DACH1: variants seen among roughly 807,000 people sequenced by gnomAD.
The protein encoded by DACH1 is dachshund homolog 1.
In DACH1, 12 loss-of-function variants were observed where a neutral mutation model predicts 54.2. The observed-to-expected ratio is 0.22, with a 90% CI of 0.14 to 0.36. The LOEUF (loss-of-function observed/expected upper bound fraction) is 0.36, where lower values mean the gene tolerates loss of function less well. DACH1 is among the 10% of genes least tolerant of loss of function. DACH1 has a pLI of 1.00. For synonymous variants in DACH1, 386 were observed against 366.2 expected (o/e 1.05, Z -0.62); for missense variants, 805 against 929.8 (o/e 0.87, Z 1.75).
chr13:71,735,392 TAC>T (rs1443468114), intron 1 of DACH1, among the ~76,000 whole-genome samples: 12 of 33,690 alleles, frequency 3.6e-4, no homozygotes, highest in African/African-American at 8.9e-4. Flanking sequence ...ATATGGGATA[TAC>T]ACGTATACGG....
At chr13:71,723,507 G>A (rs143208207) in intron 1 of DACH1, among the ~76,000 whole-genome samples, 8 of 152,178 alleles carry the variant, frequency 5.3e-5, no homozygotes, top group African/African-American at 1.4e-4. Flanking sequence ...ACTTCAGACC[G>A]CACAAATAAA....
intron 1 of DACH1, among the ~76,000 whole-genome samples, chr13:71,750,000 C>T (rs1309966500): frequency 6.6e-6 from 1 of 152,108 alleles, no homozygotes; most frequent in African/African-American, 2.4e-5. Context: ...TGCTTTCAAG[C>T]AACTATTTAT....
chr13:71,575,986 C>T (rs1885504170), intron 3 of DACH1, among the ~76,000 whole-genome samples: 1 of 151,986 alleles, frequency 6.6e-6, no homozygotes, highest in Non-Finnish European at 1.5e-5. Flanking sequence ...ACAAGACCTG[C>T]CCACAGTTAT....
At chr13:71,488,559 TA>T (rs1331848277) in intron 7 of DACH1, among the ~76,000 whole-genome samples, 1 of 152,112 alleles carries the variant, frequency 6.6e-6, no homozygotes, top group Non-Finnish European at 1.5e-5. Context: ...TGGATTCTTC[TA>T]AATTAGACAT....
rs544022929 is a variant in DACH1, at chr13:71,815,870, G to A, written c.848+50052C>T. 1.8e-4 allele frequency among the ~76,000 whole-genome samples: 27 copies of A among 152,164 alleles called. No homozygotes were observed. In the South Asian group the frequency reaches 3.7e-3, roughly 21 times the overall value. ...GGAGGCCGAGGCGGGCGGATCACGA[G>A]GTCAGGAGATCGAGACCATCCTGGC... On this transcript the variant is annotated intron_variant, in intron 1 of 10. Transcript: ENST00000613252.
At chr13:71,479,440 C>G in intron 7 of DACH1, 124 bp from the exon 8 acceptor site, 2 of 840,380 alleles carry the variant, frequency 2.4e-6, no homozygotes, top group Non-Finnish European at 1.8e-6. Flanking sequence ...CGCATTCACT[C>G]TGCACTCACT....
At chr13:71,626,853 G>C (rs1469448794) in intron 3 of DACH1, among the ~76,000 whole-genome samples, 2 of 152,064 alleles carry the variant, frequency 1.3e-5, no homozygotes, top group Non-Finnish European at 2.9e-5. Context: ...TCAGTAAGCA[G>C]GAGATTTGTC....
At chr13:71,817,830 T>TC (rs1400823437) in intron 1 of DACH1, among the ~76,000 whole-genome samples, 1 of 148,848 alleles carries the variant, frequency 6.7e-6, no homozygotes, top group East Asian at 2.0e-4. Context: ...TTTTTTTTTT[T>TC]TTGAGACAGG....
Position 71,702,942 on chromosome 13 carries a change from G to A in DACH1, c.849-21032C>T, listed in dbSNP as rs541794354. ...AGCTAATTAGGAATATATATGACTG[G>A]ATTTTCAAATATCTGTTTAACAACT... On this transcript the variant is annotated intron_variant, in intron 1 of 10. Coordinates refer to ENST00000613252, the MANE Select transcript of DACH1 (RefSeq NM_080759.6). Among the ~76,000 whole-genome samples the A allele has an allele frequency of 1.2e-3, 183 of 152,224 alleles. 1 individual carries two copies. The highest frequency in any genetic ancestry group is 2.1e-3 in the Non-Finnish European group (141 of 68,010).
intron 1 of DACH1, among the ~76,000 whole-genome samples, chr13:71,827,568 T>C (rs1888428154): frequency 1.3e-5 from 2 of 151,838 alleles, no homozygotes; most frequent in African/African-American, 4.8e-5. Context: ...AACAAGGGAG[T>C]GAGGACTACA....
intron 7 of DACH1, among the ~76,000 whole-genome samples, chr13:71,486,817 TATC>T (rs1566289979): frequency 0.053 from 338 of 6,324 alleles, 2 homozygotes; most frequent in East Asian, 0.46. Flanking sequence ...TTTATTTATC[TATC>T]TATCTATCTA....
rs199987472 is a variant in DACH1, at chr13:71,734,102, GTA to G, written c.849-52194_849-52193del. ...CACACTTGAATATATATGTGTGTGT[GTA>G]TATATATATGTATATGGGATACATA... On this transcript the variant is annotated intron_variant, in intron 1 of 10. Transcript: ENST00000613252. Among the ~76,000 whole-genome samples the G allele has an allele frequency of 7.6e-3, 1,107 of 145,516 alleles. 48 individuals carry two copies. The highest frequency in any genetic ancestry group is 0.027 in the African/African-American group (984 of 36,744).
At chr13:71,440,719 T>C (rs1237541684) in intron 10 of DACH1, 27 bp from the exon 11 acceptor site, 3 of 1,569,300 alleles carry the variant, frequency 1.9e-6, no homozygotes. Flanking sequence ...AAAAATTAAT[T>C]AATGGCATGG....
At chr13:71,699,163 G>A (rs1351833918) in intron 1 of DACH1, among the ~76,000 whole-genome samples, 1 of 152,062 alleles carries the variant, frequency 6.6e-6, no homozygotes, top group Non-Finnish European at 1.5e-5. Flanking sequence ...ATACTTTAGG[G>A]CAAATTCAGC....
chr13:71,648,506 T>C (rs1328745452), intron 2 of DACH1, among the ~76,000 whole-genome samples: 2 of 152,142 alleles, frequency 1.3e-5, no homozygotes, highest in African/African-American at 4.8e-5. Flanking sequence ...CCTCTTAATG[T>C]CCATCTTTGA....
intron 1 of DACH1, among the ~76,000 whole-genome samples, chr13:71,801,563 G>T (rs911777772): frequency 6.6e-6 from 1 of 152,060 alleles, no homozygotes; most frequent in Non-Finnish European, 1.5e-5. Flanking sequence ...TCAGGAGTTC[G>T]CGGTTCCAAG....
At position 71,526,896 on chromosome 13, in the gene DACH1, T is replaced by C. The variant is rs146601664; in HGVS notation, c.1570+30128A>G. Among the ~76,000 whole-genome samples the C allele has an allele frequency of 2.8e-3, 424 of 151,942 alleles. 1 individual carries two copies. The highest frequency in any genetic ancestry group is 9.7e-3 in the African/African-American group (403 of 41,544). On this transcript the variant is annotated intron_variant, in intron 6 of 10. Transcript: ENST00000613252. ...AGTGAAGTCTTCCTGAGCTGTCTCC[T>C]TCAGTGTCAGAATGTGCCCTAGGCT...
intron 1 of DACH1, among the ~76,000 whole-genome samples, chr13:71,806,050 G>A (rs190661796): frequency 4.6e-5 from 7 of 152,158 alleles, no homozygotes; most frequent in East Asian, 1.9e-4. Flanking sequence ...CAGGTGATCC[G>A]CCCACCTCAG....
At chr13:71,817,720 G>C (rs188670243) in intron 1 of DACH1, among the ~76,000 whole-genome samples, 15 of 151,602 alleles carry the variant, frequency 9.9e-5, no homozygotes, top group African/African-American at 3.6e-4. Flanking sequence ...AAGGTATTAA[G>C]GAAATAAAAT....
Sources: allele counts gnomAD v4.1 joint callset (sites outside exome capture counted in the v4.1 genomes callset), GRCh38; gene constraint gnomAD v4.1.1; transcripts MANE v1.5; gene names NCBI Gene and HGNC (gene_info 2026-07-23, HGNC 2026-07-21).